TBX15: variants seen among roughly 807,000 people sequenced by gnomAD.
TBX15 encodes T-box transcription factor TBX15.
A neutral mutation model predicts 53.9 loss-of-function variants in TBX15; 18 were observed. The ratio of observed to expected loss-of-function variants is 0.33; its 90% CI spans 0.23 to 0.49. The LOEUF is 0.49. TBX15 is among the 20% of genes least tolerant of loss of function. The probability of loss-of-function intolerance (pLI) is 0.98; values close to 1 mark genes in which losing one functional copy is unlikely to be tolerated. For synonymous variants in TBX15, 295 were observed against 278.0 expected (o/e 1.06, Z -0.61); for missense variants, 692 against 749.5 (o/e 0.92, Z 0.90).
At chr1:118,923,757 G>A (rs1655503725) in intron 4 of TBX15, among the ~76,000 whole-genome samples, 154 bp from the exon 5 acceptor site, 1 of 152,204 alleles carries the variant, frequency 6.6e-6, no homozygotes, top group Admixed American at 6.5e-5. Context: ...ACTTGCCCAG[G>A]AAGAACTAAG....
intron 1 of TBX15, among the ~76,000 whole-genome samples, chr1:118,965,149 C>A (rs1027578151): frequency 3.9e-5 from 6 of 152,174 alleles, no homozygotes; most frequent in African/African-American, 1.4e-4. Context: ...TTGAAAGCCT[C>A]CGGCACTGAA....
Position 118,884,625 on chromosome 1 carries a change from A to AC in TBX15, c.*106dup. 7.4e-7 allele frequency: 1 copy of AC among 1,346,626 alleles called. No homozygotes were observed. Among genetic ancestry groups the AC allele is most frequent in the Non-Finnish European group, 1.0e-6 (1 of 983,008 alleles). 83.4% of individuals were successfully genotyped at this position (1,346,626 alleles called of 1,614,324 possible). A position where few individuals can be genotyped will look rare whatever the true frequency, so the allele number is the denominator to read the frequency against. ...GGCCAGAAAAAAAAAAAAAAAAAAAACACGGTTCCTGTTTTTCAAAGACAC... is the reference window on the plus strand; with the variant it reads ...GGCCAGAAAAAAAAAAAAAAAAAAAACCACGGTTCCTGTTTTTCAAAGACAC... On this transcript the variant is annotated 3_prime_UTR_variant, in exon 8 of 8. Transcript: ENST00000369429.
chr1:118,921,536 GCAC>G (rs1324953566), intron 5 of TBX15, among the ~76,000 whole-genome samples: 3 of 152,176 alleles, frequency 2.0e-5, no homozygotes, highest in African/African-American at 7.2e-5. Context: ...AGAAACTGAA[GCAC>G]TGAAGCACAA....
intron 5 of TBX15, among the ~76,000 whole-genome samples, chr1:118,918,891 AAC>A (rs1655334217): frequency 6.6e-6 from 1 of 152,192 alleles, no homozygotes; most frequent in African/African-American, 2.4e-5. Flanking sequence ...TTCTCTTATT[AAC>A]ACTCTTCGTT....
intron 1 of TBX15, among the ~76,000 whole-genome samples, chr1:118,934,967 A>C (rs1177781047): frequency 6.6e-6 from 1 of 152,226 alleles, no homozygotes; most frequent in Non-Finnish European, 1.5e-5. Context: ...AATAACATGA[A>C]TGCATATGCA....
chr1:118,924,753 C>T lies in TBX15; in HGVS notation c.586G>A (p.Val196Ile). The part of the protein sequence containing the change: ...GNADSPVPPR[V>I]YIHPDSLASG... ...GCTAGAGAATCAGGGTGTATATAAA[C>T]TCTTGGGGGCACAGGGGAATCAGCA... The change falls in exon 4 of 8, where the codon GTT (valine) becomes ATT (isoleucine). Residue 196 changes from valine (V) to isoleucine (I), a missense_variant. Val to Ile is a conservative substitution (Grantham distance 29). Transcript: ENST00000369429. 1.9e-6 allele frequency: 3 copies of T among 1,614,086 alleles called. No homozygotes were observed. Among genetic ancestry groups the T allele is most frequent in the Non-Finnish European group, 2.5e-6 (3 of 1,179,986 alleles).
At chr1:118,987,555 C>T in intron 1 of TBX15, 36 bp downstream of exon 1, 1 of 1,534,024 alleles carries the variant, frequency 6.5e-7, no homozygotes. Flanking sequence ...CGTCCCCTCT[C>T]CGCCCGCCTC....
chr1:118,977,904 A>T (rs1162827037), intron 1 of TBX15, among the ~76,000 whole-genome samples: 2 of 152,202 alleles, frequency 1.3e-5, no homozygotes, highest in Non-Finnish European at 2.9e-5. Context: ...ATCAGACTCA[A>T]ATAGTAATGA....
chr1:118,948,774 C>A (rs1226920056), intron 1 of TBX15, among the ~76,000 whole-genome samples: 1 of 152,170 alleles, frequency 6.6e-6, no homozygotes, highest in African/African-American at 2.4e-5. Context: ...CTTTTCTTCC[C>A]TCCAGAAAGA....
Position 118,908,145 on chromosome 1 carries a change from C to T in TBX15, c.926+5970G>A, listed in dbSNP as rs191849628. ...CACTGCTGACCTACCTGATTTCCCCCTGGCTGGGATAGGGCTTTCTTTCTC... is the reference window on the plus strand; with the variant it reads ...CACTGCTGACCTACCTGATTTCCCCTTGGCTGGGATAGGGCTTTCTTTCTC... On this transcript the variant is annotated intron_variant, in intron 6 of 7. Coordinates refer to ENST00000369429, the MANE Select transcript of TBX15 (RefSeq NM_001330677.2). Among the ~76,000 whole-genome samples, 848 of 152,320 alleles carry T rather than the reference C, an allele frequency of 5.6e-3. 7 individuals are homozygous for T. The highest frequency in any genetic ancestry group is 0.01 in the Admixed American group (160 of 15,302).
chr1:118,888,481 T>C (rs1267481254), intron 7 of TBX15, among the ~76,000 whole-genome samples: 4 of 152,236 alleles, frequency 2.6e-5, no homozygotes, highest in Non-Finnish European at 4.4e-5. Flanking sequence ...CCAGGCCTTC[T>C]GTGCCTTGCA....
At chr1:118,935,903 C>T (rs1655951803) in intron 1 of TBX15, among the ~76,000 whole-genome samples, 1 of 152,096 alleles carries the variant, frequency 6.6e-6, no homozygotes, top group African/African-American at 2.4e-5. Flanking sequence ...TGGACAAGGA[C>T]ACTGAAACAA....
chr1:118,961,906 T>C (rs1656890893), intron 1 of TBX15, among the ~76,000 whole-genome samples: 1 of 152,240 alleles, frequency 6.6e-6, no homozygotes, highest in Non-Finnish European at 1.5e-5. Context: ...ATGGTACCTA[T>C]TGGTACCCAT....
chr1:118,976,243 C>T (rs946754197), intron 1 of TBX15, among the ~76,000 whole-genome samples: 6 of 152,102 alleles, frequency 3.9e-5, no homozygotes, highest in East Asian at 1.9e-4. Context: ...TCCTCCTCCC[C>T]GACATTCAGC....
chr1:118,947,410 C>G (rs922976685), intron 1 of TBX15, among the ~76,000 whole-genome samples: 1 of 152,142 alleles, frequency 6.6e-6, no homozygotes, highest in Non-Finnish European at 1.5e-5. Flanking sequence ...GATTCAGAAT[C>G]AGAAGGTAGG....
chr1:118,893,397 GAAA>G lies in TBX15; in HGVS notation c.1024+5628_1024+5630del, dbSNP rs1399045290. Among the ~76,000 whole-genome samples the G allele has an allele frequency of 4.8e-4, 65 of 135,158 alleles. 1 individual carries two copies. The highest frequency in any genetic ancestry group is 2.7e-3 in the South Asian group (11 of 4,140). 88.7% of individuals were successfully genotyped at this position (135,158 alleles called of 152,430 possible). A position where few individuals can be genotyped will look rare whatever the true frequency, so the allele number is the denominator to read the frequency against. On this transcript the variant is annotated intron_variant, in intron 7 of 7. Transcript: ENST00000369429. ...AGAAAGAAAGAAAGAAAGAAAGAAA[GAAA>G]GAAAGAAAGGAAGAAGGAAAGAAAG...
At chr1:118,950,223 G>A (rs1350320286) in intron 1 of TBX15, among the ~76,000 whole-genome samples, 1 of 152,188 alleles carries the variant, frequency 6.6e-6, no homozygotes, top group East Asian at 1.9e-4. Flanking sequence ...TATACTCTTA[G>A]GGTTTAGGCA....
In TBX15 at chr1:118,914,095, T is replaced by G. The variant is rs1293952686; in HGVS notation, c.926+20A>C. The G allele has an allele frequency of 6.2e-7, 1 of 1,613,302 alleles. No individual in the cohort carries two copies. ...TAATGTCACATAGAAAAGAAGTGCC[T>G]CTTCCCCAGTGATTCTTACCTGTTT... On this transcript the variant is annotated intron_variant, in intron 6 of 7. Coordinates refer to ENST00000369429, the MANE Select transcript of TBX15 (RefSeq NM_001330677.2).
chr1:118,979,743 G>T (rs1211865561), intron 1 of TBX15, among the ~76,000 whole-genome samples: 1 of 152,224 alleles, frequency 6.6e-6, no homozygotes, highest in Non-Finnish European at 1.5e-5. Context: ...GCTAAGAACA[G>T]CCGCCATCCC....
Sources: gnomAD v4.1 joint callset for allele counts (sites outside exome capture counted in the v4.1 genomes callset) on GRCh38, gnomAD v4.1.1 for gene constraint, MANE v1.5 for transcripts, NCBI Gene and HGNC (gene_info 2026-07-23, HGNC 2026-07-21) for gene names.